RPS6KA2: variants seen among roughly 807,000 people sequenced by gnomAD.
RPS6KA2 encodes the protein ribosomal protein S6 kinase alpha-2.
A neutral mutation model predicts 91.8 loss-of-function variants in RPS6KA2; 42 were observed. The observed-to-expected ratio is 0.46, with a 90% confidence interval of 0.36 to 0.59. The LOEUF (loss-of-function observed/expected upper bound fraction) is 0.59, where lower values mean the gene tolerates loss of function less well. Among genes scored for constraint, RPS6KA2 ranks in the 20% least tolerant of loss-of-function variants. RPS6KA2 has a pLI of 0.00. For synonymous variants in RPS6KA2, 414 were observed against 393.6 expected (o/e 1.05, Z -0.61); for missense variants, 798 against 978.5 (o/e 0.82, Z 2.46).
intron 3 of RPS6KA2, among the ~76,000 whole-genome samples, chr6:166,527,860 A>G (rs1442304695): frequency 1.3e-5 from 2 of 152,222 alleles, no homozygotes; most frequent in Admixed American, 6.5e-5. Flanking sequence ...GGCTTCACCC[A>G]TGTTGGAGTG....
rs569024212 is a variant in RPS6KA2, at chr6:166,672,806, T to C, written c.124-134022A>G. On this transcript the variant is annotated intron_variant, in intron 2 of 21. Transcript: ENST00000503859. The stretch of plus-strand genomic sequence containing the variant: ...TGTGTGTAGTGGGGACAGGAAATCC[T>C]TGCCTCCTTCACAGATATTGCCTCT... 3.3e-5 allele frequency among the ~76,000 whole-genome samples: 5 copies of C among 152,304 alleles called. No individual in the cohort carries two copies. The South Asian group carries it at 1.0e-3, about 32-fold the overall frequency.
chr6:166,862,165 T>C (rs370365588), exon 1 of RPS6KA2: 5 of 1,614,092 alleles, frequency 3.1e-6, no homozygotes, highest in Non-Finnish European at 4.2e-6. Context: ...ACTGTGCGAT[T>C]GGCATTTTTA....
At chr6:166,800,153 A>G (rs1002361310) in intron 2 of RPS6KA2, among the ~76,000 whole-genome samples, 2 of 152,216 alleles carry the variant, frequency 1.3e-5, no homozygotes, top group Non-Finnish European at 2.9e-5. Context: ...GAGTTCTAGA[A>G]AAATATTTTA....
Position 166,495,227 on chromosome 6 carries a change from T to A in RPS6KA2, c.747+3281A>T, listed in dbSNP as rs373908699. Among the ~76,000 whole-genome samples, 6 of 152,014 alleles carry A rather than the reference T, an allele frequency of 3.9e-5. No individual in the cohort carries two copies. In the East Asian group the frequency reaches 9.7e-4, roughly 24 times the overall value. Reference sequence around the variant, plus strand: ...CGGCTTGGAGATTGTTGGGTTGAGATCAAATGTGAAGATGGCCAGGCAGCC... The same window carrying A: ...CGGCTTGGAGATTGTTGGGTTGAGAACAAATGTGAAGATGGCCAGGCAGCC... On this transcript the variant is annotated intron_variant, in intron 8 of 20. Coordinates refer to ENST00000265678, the MANE Select transcript of RPS6KA2 (RefSeq NM_021135.6). The surrounding 1 kb of genome is among the most constrained non-coding windows in gnomAD (Gnocchi z 4.4).
chr6:166,859,462 A>G (rs1780993520), intron 1 of RPS6KA2, among the ~76,000 whole-genome samples: 1 of 152,236 alleles, frequency 6.6e-6, no homozygotes, highest in South Asian at 2.1e-4. Context: ...CCAGAACATA[A>G]TTCATGAAAT....
At chr6:166,573,435 G>A (rs1048200027) in intron 1 of RPS6KA2, among the ~76,000 whole-genome samples, 2 of 152,060 alleles carry the variant, frequency 1.3e-5, no homozygotes, top group Non-Finnish European at 2.9e-5. Context: ...AAGACCCAGC[G>A]CACGTGTTCT....
At chr6:166,671,368 G>A (rs1370296941) in intron 2 of RPS6KA2, among the ~76,000 whole-genome samples, 2 of 152,120 alleles carry the variant, frequency 1.3e-5, no homozygotes, top group Admixed American at 6.5e-5. Context: ...GCATTGGGTC[G>A]AAAGCATTTC....
intron 3 of RPS6KA2, among the ~76,000 whole-genome samples, chr6:166,517,275 A>G (rs980949321): frequency 2.6e-5 from 4 of 152,100 alleles, no homozygotes; most frequent in Admixed American, 1.3e-4. Flanking sequence ...TGGGTGGATC[A>G]CTTGAGCCGA....
intron 2 of RPS6KA2, among the ~76,000 whole-genome samples, chr6:166,840,928 A>G (rs545134581): frequency 2.6e-5 from 4 of 151,596 alleles, no homozygotes; most frequent in Non-Finnish European, 5.9e-5. Context: ...GTGCCATTAC[A>G]CTCCAGCCTG....
At chr6:166,855,495 A>G (rs1396687080) in intron 2 of RPS6KA2, among the ~76,000 whole-genome samples, 5 of 115,162 alleles carry the variant, frequency 4.3e-5, no homozygotes, top group African/African-American at 1.7e-4. Flanking sequence ...AAGAGGAAGA[A>G]GAAGAGGAAG....
At chr6:166,769,126 A>T (rs1778397414) in intron 2 of RPS6KA2, among the ~76,000 whole-genome samples, 1 of 152,208 alleles carries the variant, frequency 6.6e-6, no homozygotes, top group South Asian at 2.1e-4. Context: ...AGCACCCACC[A>T]GACCAATGGC....
chr6:166,586,512 G>C, intron 1 of RPS6KA2: 1 of 1,574,974 alleles, frequency 6.3e-7, no homozygotes, highest in South Asian at 1.1e-5. Flanking sequence ...CAGCTGTATT[G>C]CTTAATGTTT....
At chr6:166,762,599 C>T (rs1234445899) in intron 2 of RPS6KA2, among the ~76,000 whole-genome samples, 1 of 152,210 alleles carries the variant, frequency 6.6e-6, no homozygotes, top group Non-Finnish European at 1.5e-5. Flanking sequence ...ACCAGGGTTA[C>T]AACCTGCTGT....
chr6:166,760,467 G>C (rs1345454181), intron 2 of RPS6KA2, among the ~76,000 whole-genome samples: 1 of 152,192 alleles, frequency 6.6e-6, no homozygotes, highest in Non-Finnish European at 1.5e-5. Flanking sequence ...TAAGATCATC[G>C]CACAGAGTAT....
At position 166,533,383 on chromosome 6, in the gene RPS6KA2, C is replaced by T. The variant is rs759793699; in HGVS notation, c.217-2070G>A. Among the ~76,000 whole-genome samples, 3 of 152,222 alleles carry T rather than the reference C, an allele frequency of 2.0e-5. No homozygotes were observed. The highest frequency in any genetic ancestry group is 3.9e-4 in the East Asian group (2 of 5,194). Reference sequence around the variant, plus strand: ...GCTGGGCAAGGCTGCGTGAGCGTCCCGGTGCCGGAGAGGCCGCACTGGCAG... The same window carrying T: ...GCTGGGCAAGGCTGCGTGAGCGTCCTGGTGCCGGAGAGGCCGCACTGGCAG... On this transcript the variant is annotated intron_variant, in intron 2 of 20. Coordinates refer to ENST00000265678, the MANE Select transcript of RPS6KA2 (RefSeq NM_021135.6). This position sits in a 1 kb window ranked among gnomAD's most constrained non-coding sequence, Gnocchi z 4.0.
At chr6:166,831,401 G>A (rs989600583) in intron 2 of RPS6KA2, among the ~76,000 whole-genome samples, 3 of 152,032 alleles carry the variant, frequency 2.0e-5, no homozygotes, top group Non-Finnish European at 4.4e-5. Context: ...ACTTGAATTT[G>A]CCCTTCCTTC....
chr6:166,470,053 T>C (rs1780704869), intron 10 of RPS6KA2, 148 bp from the exon 11 acceptor site: 2 of 691,968 alleles, frequency 2.9e-6, no homozygotes, highest in Non-Finnish European at 5.0e-6. Context: ...CCAAGGCACC[T>C]GCGCACCTGC....
At chr6:166,542,291 AT>A (rs1178293538) in intron 1 of RPS6KA2, 8 of 152,370 alleles carry the variant, frequency 5.3e-5, no homozygotes, top group African/African-American at 1.9e-4. Context: ...CTCACATTTC[AT>A]TTTGAAATAT....
At chr6:166,425,699 C>A (rs1778887938) in intron 16 of RPS6KA2, among the ~76,000 whole-genome samples, 1 of 151,726 alleles carries the variant, frequency 6.6e-6, no homozygotes, top group East Asian at 1.9e-4. Flanking sequence ...TCAAAAGAGA[C>A]AAAGAAGGCC....
Sources: gnomAD v4.1 joint callset for allele counts (sites outside exome capture counted in the v4.1 genomes callset) on GRCh38, gnomAD v4.1.1 for gene constraint, Gnocchi (gnomAD v3.1) non-coding constraint, MANE v1.5 for transcripts, NCBI Gene and HGNC (gene_info 2026-07-23, HGNC 2026-07-21) for gene names.